The following FHL2 variants were observed in gnomAD, a reference collection of about 807,000 sequenced individuals.
FHL2 encodes four and a half LIM domains 2, also known as four and a half LIM domains protein 2.
In FHL2, 20 loss-of-function variants were observed where a neutral mutation model predicts 32.7. The observed-to-expected ratio is 0.61, with a 90% confidence interval of 0.43 to 0.89. The LOEUF is 0.89. Among genes scored for constraint, FHL2 ranks in the 40% least tolerant of loss-of-function variants. The pLI is 0.00. For missense variants in FHL2, 311 were observed against 358.6 expected, an observed-to-expected ratio of 0.87 and a Z score of 1.07; for synonymous variants, 123 against 128.1, an observed-to-expected ratio of 0.96 and a Z score of 0.27.
chr2:105,437,136 C>T (rs373711787), intron 1 of FHL2, among the ~76,000 whole-genome samples: 11 of 152,004 alleles, frequency 7.2e-5, no homozygotes, highest in South Asian at 2.1e-4. Context: ...CAGGGAACCC[C>T]GTATTGGAAA....
intron 3 of FHL2, among the ~76,000 whole-genome samples, chr2:105,384,660 A>C (rs1682162943): frequency 6.6e-6 from 1 of 152,188 alleles, no homozygotes; most frequent in Non-Finnish European, 1.5e-5. Flanking sequence ...GATATGCACC[A>C]CCACGCCCAG....
chr2:105,378,098 G>A (rs1215034753), intron 3 of FHL2: 2 of 465,768 alleles, frequency 4.3e-6, no homozygotes, highest in Non-Finnish European at 8.9e-6. Flanking sequence ...CCAGATGGAG[G>A]AAAGAGCACA....
chr2:105,394,997 A>G (rs1047715831), intron 2 of FHL2, among the ~76,000 whole-genome samples: 2 of 152,262 alleles, frequency 1.3e-5, no homozygotes, highest in Non-Finnish European at 2.9e-5. Context: ...CATGACTACA[A>G]GAGGAGTTAC....
chr2:105,410,579 T>C (rs1002882433), intron 1 of FHL2, among the ~76,000 whole-genome samples: 1 of 152,174 alleles, frequency 6.6e-6, no homozygotes, highest in African/African-American at 2.4e-5. Context: ...AAGTTTTGAC[T>C]GCTAATCTCT....
intron 5 of FHL2, among the ~76,000 whole-genome samples, chr2:105,366,706 G>T (rs892076726): frequency 2.6e-5 from 4 of 152,180 alleles, no homozygotes; most frequent in Non-Finnish European, 4.4e-5. Flanking sequence ...ACAGAGCCAT[G>T]ACTGGAATAG....
At chr2:105,425,596 G>A (rs1039582290) in intron 1 of FHL2, among the ~76,000 whole-genome samples, 1 of 152,018 alleles carries the variant, frequency 6.6e-6, no homozygotes, top group Non-Finnish European at 1.5e-5. Context: ...AAACCCGATT[G>A]TACATTTGTT....
intron 1 of FHL2, among the ~76,000 whole-genome samples, chr2:105,429,550 C>T (rs963057105): frequency 2.6e-5 from 4 of 152,182 alleles, no homozygotes; most frequent in Non-Finnish European, 5.9e-5. Flanking sequence ...CTTCCAGAAG[C>T]TGGAAAAGGT....
intron 6 of FHL2, among the ~76,000 whole-genome samples, chr2:105,362,357 GT>G (rs1680332187): frequency 2.6e-5 from 4 of 152,192 alleles, no homozygotes; most frequent in Admixed American, 2.6e-4. Flanking sequence ...TGAGAGTACT[GT>G]TTTAGCGACC....
intron 1 of FHL2, among the ~76,000 whole-genome samples, chr2:105,425,462 C>A (rs1297255981): frequency 6.6e-6 from 1 of 152,024 alleles, no homozygotes; most frequent in Non-Finnish European, 1.5e-5. Context: ...GACTGTCCCC[C>A]AGCCCAACAC....
At chr2:105,425,715 C>T (rs1684244013) in intron 1 of FHL2, among the ~76,000 whole-genome samples, 1 of 152,088 alleles carries the variant, frequency 6.6e-6, no homozygotes, top group East Asian at 1.9e-4. Context: ...TGGAGAGAAA[C>T]ATAAATCTGG....
chr2:105,412,435 T>G (rs891912191), intron 1 of FHL2, among the ~76,000 whole-genome samples: 3 of 152,176 alleles, frequency 2.0e-5, no homozygotes, highest in Non-Finnish European at 2.9e-5. Context: ...TTTTGACTTA[T>G]TGAAACAGAA....
At chr2:105,416,984 G>A (rs558955771) in intron 1 of FHL2, among the ~76,000 whole-genome samples, 1 of 152,288 alleles carries the variant, frequency 6.6e-6, no homozygotes, top group African/African-American at 2.4e-5. Context: ...TTGAACTCAC[G>A]ACTTGGGCCA....
intron 1 of FHL2, among the ~76,000 whole-genome samples, chr2:105,407,662 C>T (rs974944224): frequency 3.3e-5 from 5 of 152,202 alleles, no homozygotes; most frequent in African/African-American, 9.6e-5. Flanking sequence ...TTACAGCATC[C>T]GCAGATACAA....
At position 105,432,977 on chromosome 2, in the gene FHL2, C is replaced by A. The variant is rs368116508; in HGVS notation, c.-25+5422G>T. Among the ~76,000 whole-genome samples the A allele has an allele frequency of 2.8e-4, 42 of 152,150 alleles. No homozygotes were observed. In the East Asian group the frequency reaches 2.9e-3, roughly 10 times the overall value. On this transcript the variant is annotated intron_variant, in intron 1 of 5. Coordinates refer to the FHL2 transcript ENST00000393352. ...CCTTTGGATTTCAACACTCCTAGAA[C>A]TCAACTGAATTAAACACAACAGTTT...
chr2:105,429,024 A>G (rs1684343727), intron 1 of FHL2, among the ~76,000 whole-genome samples: 1 of 152,226 alleles, frequency 6.6e-6, no homozygotes, highest in African/African-American at 2.4e-5. Flanking sequence ...CAATGTTGAA[A>G]GTTAACTGTG....
chr2:105,417,019 C>T (rs918825140), intron 1 of FHL2, among the ~76,000 whole-genome samples: 2 of 152,214 alleles, frequency 1.3e-5, no homozygotes, highest in African/African-American at 4.8e-5. Flanking sequence ...TTCCTCAAGA[C>T]AGTCACAGTT....
intron 6 of FHL2, among the ~76,000 whole-genome samples, chr2:105,361,997 G>A (rs1407436046): frequency 6.6e-6 from 1 of 152,176 alleles, no homozygotes; most frequent in Non-Finnish European, 1.5e-5. Context: ...ACATTGGTCC[G>A]TGATTATAAT....
upstream of FHL2, among the ~76,000 whole-genome samples, chr2:105,404,175 T>C (rs1683559278): frequency 6.6e-6 from 1 of 152,236 alleles, no homozygotes; most frequent in Non-Finnish European, 1.5e-5. Flanking sequence ...TTACCCTAAC[T>C]GACCACTGCC....
At chr2:105,427,059 A>C (rs1684290877) in intron 1 of FHL2, among the ~76,000 whole-genome samples, 1 of 152,190 alleles carries the variant, frequency 6.6e-6, no homozygotes, top group Non-Finnish European at 1.5e-5. Context: ...TGTAGGAGTA[A>C]GAGAGCCGCC....
Sources: allele counts gnomAD v4.1 joint callset (sites outside exome capture counted in the v4.1 genomes callset), GRCh38; gene constraint gnomAD v4.1.1; transcripts MANE v1.5; gene names NCBI Gene and HGNC (gene_info 2026-07-23, HGNC 2026-07-21).